ASPH: variants seen among roughly 807,000 people sequenced by gnomAD.
The protein encoded by ASPH is aspartyl/asparaginyl beta-hydroxylase.
In ASPH, 100 loss-of-function variants were observed where a neutral mutation model predicts 118.4. The ratio of observed to expected loss-of-function variants is 0.84; its 90% CI spans 0.72 to 1.00. The LOEUF is 1.00. Among genes scored for constraint, ASPH ranks in the 50% least tolerant of loss-of-function variants. The pLI, the probability that ASPH is intolerant of heterozygous loss-of-function variation, is 0.00. For missense variants in ASPH, 920 were observed against 919.5 expected (o/e 1.00, Z -0.01); for synonymous variants, 315 against 325.6 (o/e 0.97, Z 0.35).
At chr8:61,637,670 T>C (rs939399876) in intron 12 of ASPH, among the ~76,000 whole-genome samples, 1 of 152,284 alleles carries the variant, frequency 6.6e-6, no homozygotes, top group African/African-American at 2.4e-5. Context: ...CTACTCAGGG[T>C]AGCCCTCCAC....
chr8:61,580,526 T>C (rs1163305907), intron 15 of ASPH, among the ~76,000 whole-genome samples: 1 of 152,228 alleles, frequency 6.6e-6, no homozygotes, highest in Admixed American at 6.5e-5. Flanking sequence ...TGGCTTAAAA[T>C]AAGAGAACTT....
chr8:61,678,143 T>A (rs1470755623), intron 3 of ASPH, among the ~76,000 whole-genome samples: 1 of 152,092 alleles, frequency 6.6e-6, no homozygotes, highest in Non-Finnish European at 1.5e-5. Context: ...AAGTGCTGAC[T>A]GGCTTCCCTT....
chr8:61,639,842 T>G (rs1423154773), intron 10 of ASPH, among the ~76,000 whole-genome samples: 2 of 152,166 alleles, frequency 1.3e-5, no homozygotes, highest in Non-Finnish European at 2.9e-5. Context: ...CTCCAGTCTC[T>G]CCCACGTTAG....
intron 1 of ASPH, 65 bp downstream of exon 1, chr8:61,714,204 G>T: frequency 1.5e-6 from 2 of 1,357,890 alleles, no homozygotes; most frequent in South Asian, 3.4e-5. Context: ...CGCAGCGTCC[G>T]CCGCGCCAGC....
chr8:61,589,186 C>T (rs1441648022), intron 14 of ASPH, among the ~76,000 whole-genome samples: 1 of 152,136 alleles, frequency 6.6e-6, no homozygotes, highest in Non-Finnish European at 1.5e-5. Flanking sequence ...AAAGCTGTAT[C>T]TAGATGTATA....
chr8:61,517,265 G>C, intron 24 of ASPH: 1 of 405,790 alleles, frequency 2.5e-6, no homozygotes, highest in Non-Finnish European at 4.4e-6. Flanking sequence ...TCTACCCAGA[G>C]AGAGAAACAA....
chr8:61,608,735 A>G (rs1018568692), intron 14 of ASPH, among the ~76,000 whole-genome samples: 14 of 152,210 alleles, frequency 9.2e-5, no homozygotes, highest in African/African-American at 3.4e-4. Context: ...ATGACTACAC[A>G]TGAGAATTAT....
At chr8:61,514,493 A>G (rs1810109306) in intron 24 of ASPH, among the ~76,000 whole-genome samples, 1 of 152,052 alleles carries the variant, frequency 6.6e-6, no homozygotes, top group South Asian at 2.1e-4. Flanking sequence ...GCAGATCACA[A>G]GGTCAGGAGA....
intron 18 of ASPH, among the ~76,000 whole-genome samples, chr8:61,558,474 A>T (rs1828666165): frequency 6.6e-6 from 1 of 152,248 alleles, no homozygotes; most frequent in African/African-American, 2.4e-5. Context: ...AGTATCAAGT[A>T]CAAGGTAATC....
intron 24 of ASPH, among the ~76,000 whole-genome samples, chr8:61,515,590 C>T (rs1810607765): frequency 6.6e-6 from 1 of 152,180 alleles, no homozygotes; most frequent in South Asian, 2.1e-4. Context: ...TCTAGACTTA[C>T]CTTCTCCCCT....
At chr8:61,612,318 TATA>T (rs763827921) in intron 14 of ASPH, among the ~76,000 whole-genome samples, 5 of 150,014 alleles carry the variant, frequency 3.3e-5, no homozygotes, top group Middle Eastern at 3.5e-3. Flanking sequence ...GACTTGAAGA[TATA>T]ATAATATAAA....
At chr8:61,687,411 A>T (rs1830975203) in intron 1 of ASPH, 1 of 152,222 alleles carries the variant, frequency 6.6e-6, no homozygotes, top group African/African-American at 2.4e-5. Flanking sequence ...TTTACCTAGA[A>T]TTTGTTTACA....
intron 21 of ASPH, among the ~76,000 whole-genome samples, chr8:61,537,346 A>C (rs1586723125): frequency 6.6e-6 from 1 of 152,274 alleles, no homozygotes; most frequent in East Asian, 1.9e-4. Context: ...GAGATAAACA[A>C]ATTGCCTATA....
intron 1 of ASPH, among the ~76,000 whole-genome samples, chr8:61,712,592 A>G (rs1238567753): frequency 1.3e-5 from 2 of 152,214 alleles, no homozygotes; most frequent in Non-Finnish European, 2.9e-5. Flanking sequence ...AAAAGGCTGT[A>G]GATCCTCAAA....
intron 14 of ASPH, among the ~76,000 whole-genome samples, chr8:61,602,283 T>G (rs1366054524): frequency 5.9e-5 from 9 of 151,460 alleles, no homozygotes; most frequent in Admixed American, 5.9e-4. Context: ...AGAAATGTAT[T>G]AATGTATAGT....
intron 1 of ASPH, among the ~76,000 whole-genome samples, chr8:61,703,365 A>T (rs897923517): frequency 2.6e-5 from 4 of 152,214 alleles, no homozygotes; most frequent in African/African-American, 9.6e-5. Flanking sequence ...TGATATTTAC[A>T]TAGAAAATCC....
intron 8 of ASPH, 77 bp from the exon 9 acceptor site, chr8:61,643,510 AAATT>A (rs1806304359): frequency 3.6e-6 from 5 of 1,378,524 alleles, no homozygotes; most frequent in Non-Finnish European, 5.0e-6. Context: ...GGAGATTCAT[AAATT>A]AATTATCTTC....
chr8:61,682,756 T>C (rs1277286255), intron 2 of ASPH, among the ~76,000 whole-genome samples: 1 of 152,082 alleles, frequency 6.6e-6, no homozygotes, highest in African/African-American at 2.4e-5. Flanking sequence ...AGCCAAAAAT[T>C]TGTTTGCCCT....
intron 14 of ASPH, among the ~76,000 whole-genome samples, chr8:61,598,839 GA>G (rs763386647): frequency 3.9e-5 from 6 of 152,130 alleles, no homozygotes; most frequent in Non-Finnish European, 8.8e-5. Flanking sequence ...AGTAAGGAGA[GA>G]AACTTCGGAA....
Sources: allele counts gnomAD v4.1 joint callset (sites outside exome capture counted in the v4.1 genomes callset), GRCh38; gene constraint gnomAD v4.1.1; transcripts MANE v1.5; gene names NCBI Gene and HGNC (gene_info 2026-07-23, HGNC 2026-07-21).